The following NAV3 variants were observed in gnomAD, a reference collection of about 807,000 sequenced individuals.
NAV3 encodes the protein pore membrane and/or filament interacting like protein 1.
In NAV3, 87 loss-of-function variants were observed where a neutral mutation model predicts 244.7. The ratio of observed to expected loss-of-function variants is 0.36; its 90% CI spans 0.30 to 0.42. The LOEUF (loss-of-function observed/expected upper bound fraction) is 0.42. Ranked by LOEUF, NAV3 falls within the 20% of genes least tolerant of loss-of-function variation. The pLI is 1.00. For synonymous variants in NAV3, 1,126 were observed against 1,042.2 expected (o/e 1.08, Z -1.55); for missense variants, 2,663 against 2,893.3 (o/e 0.92, Z 1.83).
chr12:78,019,403 G>A (rs971325479), intron 8 of NAV3, among the ~76,000 whole-genome samples: 3 of 152,104 alleles, frequency 2.0e-5, no homozygotes, highest in African/African-American at 7.2e-5. Context: ...GGGATACAAT[G>A]GTGAGTTCAA....
intron 22 of NAV3, among the ~76,000 whole-genome samples, chr12:78,153,982 T>A (rs1957175106): frequency 1.3e-5 from 2 of 149,544 alleles, no homozygotes; most frequent in African/African-American, 2.4e-5. Context: ...TTTTAAAACA[T>A]AAAGTCTTAA....
chr12:77,936,792 T>A (rs1381778156), intron 1 of NAV3, among the ~76,000 whole-genome samples: 1 of 152,146 alleles, frequency 6.6e-6, no homozygotes, highest in African/African-American at 2.4e-5. Flanking sequence ...TTGTTTGTAT[T>A]CTCTCTCATC....
At chr12:77,900,960 G>C (rs1436236668) in intron 1 of NAV3, among the ~76,000 whole-genome samples, 1 of 152,142 alleles carries the variant, frequency 6.6e-6, no homozygotes, top group Non-Finnish European at 1.5e-5. Context: ...TAGTGGCCTT[G>C]ATTTACATTT....
intron 8 of NAV3, among the ~76,000 whole-genome samples, chr12:78,020,175 A>T (rs892659505): frequency 1.3e-5 from 2 of 152,168 alleles, no homozygotes; most frequent in African/African-American, 4.8e-5. Flanking sequence ...ATGATTATGT[A>T]GAGGAAAACA....
intron 22 of NAV3, among the ~76,000 whole-genome samples, chr12:78,158,358 T>A (rs1957393184): frequency 6.6e-6 from 1 of 152,190 alleles, no homozygotes; most frequent in South Asian, 2.1e-4. Context: ...TTGAAGTGCC[T>A]CTTCATTTTA....
Position 78,185,690 on chromosome 12 carries a change from C to A in NAV3, c.5782C>A (p.Arg1928=). 2 of 1,606,910 alleles carry A rather than the reference C, an allele frequency of 1.2e-6. No homozygotes were observed. The highest frequency in any genetic ancestry group is 1.1e-5 in the South Asian group (1 of 90,764). Reference sequence around the variant, plus strand: ...AGTCTCCATAAGCAAGGGCTATGGTCGAGCAAAGGTACTTCTTTAATCTTA... The same window carrying A: ...AGTCTCCATAAGCAAGGGCTATGGTAGAGCAAAGGTACTTCTTTAATCTTA... ...IIVSISKGYG[R]AKDQKSQAYL... Residue 1928 remains arginine (R), a synonymous_variant, in exon 31 of 40, where the codon CGA becomes AGA. Transcript: ENST00000397909.
rs1027367731 is a variant in NAV3, at chr12:77,666,183, T to G, written c.72+93917T>G. Among the ~76,000 whole-genome samples the G allele has an allele frequency of 4.7e-5, 7 of 149,116 alleles. No individual in the cohort carries two copies. The South Asian group carries it at 8.5e-4, about 18-fold the overall frequency. On this transcript the variant is annotated intron_variant, in intron 2 of 8. Coordinates refer to the NAV3 transcript ENST00000550042. ...TCCAATAGCAACATGTTTACAGTTT[T>G]TTTTTTTTTTTTTTTGTCTAGTCAG... is the stretch of plus-strand genomic sequence containing the variant.
chr12:78,178,912 A>G (rs1958377435), intron 28 of NAV3, among the ~76,000 whole-genome samples: 1 of 152,154 alleles, frequency 6.6e-6, no homozygotes, highest in Admixed American at 6.6e-5. Context: ...CTAGCCTGCT[A>G]ACAGGGGCTG....
intron 1 of NAV3, among the ~76,000 whole-genome samples, chr12:77,867,407 G>T (rs973701643): frequency 3.4e-5 from 4 of 118,862 alleles, no homozygotes; most frequent in South Asian, 3.1e-4. Flanking sequence ...GTATGTTTTT[G>T]TTGTTGTTGT....
intron 24 of NAV3, among the ~76,000 whole-genome samples, chr12:78,173,126 G>T (rs991396638): frequency 6.6e-6 from 1 of 151,436 alleles, no homozygotes; most frequent in Non-Finnish European, 1.5e-5. Flanking sequence ...ATATTCATTC[G>T]GTTAGCCATT....
intron 3 of NAV3, among the ~76,000 whole-genome samples, chr12:77,950,255 A>G (rs1289381578): frequency 6.6e-6 from 1 of 152,014 alleles, no homozygotes; most frequent in East Asian, 1.9e-4. Flanking sequence ...AAAGTGTTTT[A>G]TTTTGCATTC....
chr12:78,128,096 TA>T (rs932289160), intron 17 of NAV3, among the ~76,000 whole-genome samples: 5 of 152,074 alleles, frequency 3.3e-5, no homozygotes, highest in African/African-American at 1.2e-4. Context: ...CTTTCTCCAT[TA>T]TTTTTTTTCT....
chr12:77,755,604 TC>T lies in NAV3; in HGVS notation c.72+183341del, dbSNP rs1869119090. Among the ~76,000 whole-genome samples, 4 of 78,930 alleles carry T rather than the reference TC, an allele frequency of 5.1e-5. 1 individual carries two copies. The highest frequency in any genetic ancestry group is 9.3e-5 in the Non-Finnish European group (4 of 42,864). 51.8% of individuals were successfully genotyped at this position (78,930 alleles called of 152,430 possible). On this transcript the variant is annotated intron_variant, in intron 2 of 8. Transcript: ENST00000550042. ...TTTCCTCCCTCCCTCCCTCCCTCCCTCCCTCCCTCCTTCCTTCCTTCCTTCC... is the reference window on the plus strand; with the variant it reads ...TTTCCTCCCTCCCTCCCTCCCTCCCTCCTCCCTCCTTCCTTCCTTCCTTCC...
intron 2 of NAV3, among the ~76,000 whole-genome samples, chr12:77,778,504 C>T (rs780779355): frequency 2.5e-4 from 38 of 150,440 alleles, no homozygotes; most frequent in South Asian, 6.4e-4. Context: ...CCCAGCTACT[C>T]GGGAGGCTGA....
At chr12:77,783,100 T>C (rs1347565045) in intron 2 of NAV3, among the ~76,000 whole-genome samples, 2 of 152,022 alleles carry the variant, frequency 1.3e-5, no homozygotes, top group Non-Finnish European at 2.9e-5. Context: ...GTATATATGA[T>C]TGCTTTTTTT....
chr12:77,748,891 A>G (rs1372716326), intron 2 of NAV3, among the ~76,000 whole-genome samples: 6 of 152,224 alleles, frequency 3.9e-5, no homozygotes, highest in African/African-American at 1.4e-4. Context: ...CACAAAATAA[A>G]AGTAAAATTG....
At chr12:77,768,679 G>A (rs1869916291) in intron 2 of NAV3, among the ~76,000 whole-genome samples, 2 of 152,234 alleles carry the variant, frequency 1.3e-5, no homozygotes, top group Admixed American at 1.3e-4. Flanking sequence ...GGACTTCTGG[G>A]CCAGGAGTAC....
intron 12 of NAV3, among the ~76,000 whole-genome samples, chr12:78,068,559 C>A (rs1275515998): frequency 1.3e-5 from 2 of 148,462 alleles, no homozygotes; most frequent in Non-Finnish European, 3.0e-5. Context: ...AGTTAGCTTG[C>A]TGATATCAAT....
chr12:77,634,008 A>T (rs549004186), intron 2 of NAV3, among the ~76,000 whole-genome samples: 1 of 152,270 alleles, frequency 6.6e-6, no homozygotes, highest in African/African-American at 2.4e-5. Flanking sequence ...CTCTCATTAA[A>T]TTTATCAGTA....
Sources: allele counts gnomAD v4.1 joint callset (sites outside exome capture counted in the v4.1 genomes callset), GRCh38; gene constraint gnomAD v4.1.1; transcripts MANE v1.5; gene names NCBI Gene and HGNC (gene_info 2026-07-23, HGNC 2026-07-21).